ZGRF1: variants seen among roughly 807,000 people sequenced by gnomAD.
ZGRF1 encodes zinc finger GRF-type containing 1.
ZGRF1 carries 196 observed loss-of-function variants against 203.5 expected under a neutral mutation model. That is an observed-to-expected ratio of 0.96 (90% CI 0.86 to 1.08). The LOEUF is 1.08. ZGRF1 is among the 50% of genes least tolerant of loss of function. The pLI is 0.00. For missense variants in ZGRF1, 2,326 were observed against 2,416.3 expected, an observed-to-expected ratio of 0.96 and a Z score of 0.78; for synonymous variants, 809 against 841.3, an observed-to-expected ratio of 0.96 and a Z score of 0.66.
intron 11 of ZGRF1, among the ~76,000 whole-genome samples, chr4:112,589,238 C>T (rs1747735728): frequency 6.6e-6 from 1 of 152,120 alleles, no homozygotes; most frequent in Non-Finnish European, 1.5e-5. Context: ...GAAGCTGACT[C>T]ATAGTGAAGG....
chr4:112,616,375 A>T (rs1019642077), intron 6 of ZGRF1, among the ~76,000 whole-genome samples: 1 of 143,650 alleles, frequency 7.0e-6, no homozygotes, highest in Non-Finnish European at 1.5e-5. Context: ...CAAAAAAAAA[A>T]TTAGCTGGGC....
Position 112,617,513 on chromosome 4 carries a change from T to A in ZGRF1, c.2529A>T (p.Glu843Asp). The A allele has an allele frequency of 6.2e-7, 1 of 1,603,708 alleles. No homozygotes were observed. The stretch of plus-strand genomic sequence containing the variant: ...AGACAGTATTTTTCTTTTTCAATAT[T>A]TCCAAGCTGTCTAAAGCAGTACTGT... ...CEHSTALDSL[E>D]ILKKKNTVFQ... Residue 843 changes from glutamate to aspartate, a missense_variant, in exon 6 of 28, where the codon GAA (glutamate) becomes GAT (aspartate). Physicochemically the swap from Glu to Asp is conservative, Grantham distance 45 (BLOSUM62 2). Coordinates refer to ENST00000505019, the MANE Select transcript of ZGRF1 (RefSeq NM_018392.5).
rs1363299921 is a variant in ZGRF1 at position 112,617,933 on chromosome 4, A to T, written c.2109T>A (p.Asn703Lys). The T allele has an allele frequency of 1.9e-6, 3 of 1,613,468 alleles. No individual in the cohort carries two copies. Among genetic ancestry groups the T allele is most frequent in the South Asian group, 2.2e-5 (2 of 91,062 alleles). The change falls in exon 6 of 28, where the codon AAT becomes AAA. Residue 703 changes from asparagine (N) to lysine (K), a missense_variant. Asn to Lys is a moderately conservative substitution (Grantham distance 94). Transcript: ENST00000505019. ...HIQNQIAENS[N>K]LFSEDAQPQP... is the part of the protein sequence containing the mutation. The stretch of plus-strand genomic sequence containing the variant: ...GAGGTTGAGCATCTTCTGAAAATAG[A>T]TTACTGTTTTCAGCAATCTGGTTTT...
chr4:112,625,544 C>A (rs1578487330), intron 3 of ZGRF1, among the ~76,000 whole-genome samples: 2 of 149,172 alleles, frequency 1.3e-5, no homozygotes, highest in African/African-American at 5.0e-5. Flanking sequence ...CGAGATCGCG[C>A]CACTGCACTC....
At chr4:112,624,113 G>A (rs1000555012) in intron 3 of ZGRF1, 5 of 311,024 alleles carry the variant, frequency 1.6e-5, no homozygotes, top group South Asian at 1.1e-4. Context: ...CCCCTTCCAC[G>A]CTGTGGAAGC....
rs188469971 is a variant in ZGRF1, at chr4:112,598,587, A to G, written c.2976+4937T>C. On this transcript the variant is annotated intron_variant, in intron 10 of 27. Transcript: ENST00000505019. ...GTAATCATTAGCTCTTGCTAAAGAC[A>G]GTGCAAAATCACAATAGTTATTAAA... Among the ~76,000 whole-genome samples, 447 of 152,220 alleles carry G rather than the reference A, an allele frequency of 2.9e-3. 3 individuals are homozygous for G. The highest frequency in any genetic ancestry group is 4.5e-3 in the Non-Finnish European group (309 of 68,024).
intron 6 of ZGRF1, among the ~76,000 whole-genome samples, chr4:112,616,365 CA>C (rs70958468): frequency 0.68 from 102,351 of 149,744 alleles, 35,266 homozygotes; most frequent in East Asian, 0.95. Flanking sequence ...ACTAAAAATA[CA>C]AAAAAAAAAT....
At chr4:112,564,969 G>C in intron 16 of ZGRF1, 2 of 837,606 alleles carry the variant, frequency 2.4e-6, no homozygotes. Flanking sequence ...AATGAGGTAA[G>C]TAAGGAGGTC....
chr4:112,610,126 A>T (rs1751365479), intron 7 of ZGRF1, among the ~76,000 whole-genome samples: 1 of 152,134 alleles, frequency 6.6e-6, no homozygotes, highest in Non-Finnish European at 1.5e-5. Flanking sequence ...ACAGAGCAAT[A>T]ACCTGTCTCA....
intron 16 of ZGRF1, among the ~76,000 whole-genome samples, chr4:112,574,023 T>C (rs1744694287): frequency 3.9e-5 from 6 of 152,316 alleles, no homozygotes; most frequent in Admixed American, 3.9e-4. Flanking sequence ...ATACTTAGAA[T>C]GAGTACAAAC....
At chr4:112,590,593 T>C (rs1747984870) in intron 10 of ZGRF1, among the ~76,000 whole-genome samples, 2 of 152,128 alleles carry the variant, frequency 1.3e-5, no homozygotes, top group South Asian at 4.1e-4. Flanking sequence ...GATTTGAACT[T>C]GTTAAAATGA....
chr4:112,579,293 T>C lies in ZGRF1; in HGVS notation c.4438+2370A>G, dbSNP rs1484859056. On this transcript the variant is annotated intron_variant, in intron 16 of 27. Transcript: ENST00000505019. ...ATCTCAAAATAATAAGAGCTATCTATGACAAACCCACAGCCAATATCACAC... is the reference window on the plus strand; with the variant it reads ...ATCTCAAAATAATAAGAGCTATCTACGACAAACCCACAGCCAATATCACAC... Among the ~76,000 whole-genome samples the C allele has an allele frequency of 3.3e-5, 4 of 122,936 alleles. 1 individual carries two copies. The highest frequency in any genetic ancestry group is 1.1e-4 in the African/African-American group (4 of 35,416). 80.7% of individuals were successfully genotyped at this position (122,936 alleles called of 152,430 possible).
At chr4:112,572,690 TCAAA>T (rs1744414493) in intron 16 of ZGRF1, among the ~76,000 whole-genome samples, 2 of 151,814 alleles carry the variant, frequency 1.3e-5, no homozygotes, top group South Asian at 2.1e-4. Flanking sequence ...TACAAGGAAC[TCAAA>T]CAAATCAGCA....
chr4:112,565,120 G>T, intron 16 of ZGRF1: 2 of 1,398,620 alleles, frequency 1.4e-6, no homozygotes, highest in Non-Finnish European at 2.0e-6. Flanking sequence ...TTACAGGCCT[G>T]GTACTGTGGC....
intron 16 of ZGRF1, among the ~76,000 whole-genome samples, chr4:112,575,846 T>TG (rs1745102109): frequency 1.3e-5 from 2 of 152,184 alleles, no homozygotes; most frequent in South Asian, 2.1e-4. Flanking sequence ...ACTCCCCCTC[T>TG]GGGGGGCAGG....
intron 10 of ZGRF1, among the ~76,000 whole-genome samples, chr4:112,599,629 G>A (rs1407112168): frequency 6.6e-6 from 1 of 152,014 alleles, no homozygotes; most frequent in Non-Finnish European, 1.5e-5. Context: ...GGCTGTGGAG[G>A]GAGGATCACT....
chr4:112,564,179 C>T (rs1742560144), intron 16 of ZGRF1, among the ~76,000 whole-genome samples: 1 of 152,194 alleles, frequency 6.6e-6, no homozygotes, highest in South Asian at 2.1e-4. Flanking sequence ...GCAGTTCTAG[C>T]AAGCTGAGAA....
chr4:112,564,269 T>C (rs1742581736), intron 16 of ZGRF1, among the ~76,000 whole-genome samples: 1 of 152,206 alleles, frequency 6.6e-6, no homozygotes, highest in African/African-American at 2.4e-5. Context: ...TCCTCTCTTG[T>C]AACTACTTAG....
chr4:112,565,889 A>G (rs1742974573), intron 16 of ZGRF1, among the ~76,000 whole-genome samples: 1 of 152,208 alleles, frequency 6.6e-6, no homozygotes, highest in African/African-American at 2.4e-5. Flanking sequence ...ACACTTTTAC[A>G]CTGTTGGTGG....
Sources: allele counts gnomAD v4.1 joint callset (sites outside exome capture counted in the v4.1 genomes callset), GRCh38; gene constraint gnomAD v4.1.1; transcripts MANE v1.5; gene names NCBI Gene and HGNC (gene_info 2026-07-23, HGNC 2026-07-21).